Variants in CASZ1 observed in about 807,000 individuals in gnomAD.
The protein encoded by CASZ1 is zinc finger protein castor homolog 1.
In CASZ1, 28 loss-of-function variants were observed where a neutral mutation model predicts 135.2. That is an observed-to-expected ratio of 0.21 (90% CI 0.15 to 0.28). The LOEUF is 0.28. CASZ1 is among the 10% of genes least tolerant of loss of function. CASZ1 has a pLI of 1.00. For missense variants in CASZ1, 2,161 were observed against 2,453.3 expected (o/e 0.88, Z 2.52); for synonymous variants, 1,068 against 1,073.4 (o/e 0.99, Z 0.10).
intron 18 of CASZ1, 80 bp downstream of exon 18, chr1:10,644,837 A>G: frequency 2.0e-6 from 3 of 1,464,104 alleles, no homozygotes; most frequent in Non-Finnish European, 2.8e-6. Flanking sequence ...CGCGGGTACC[A>G]GGAGAGGCGG....
intron 1 of CASZ1, among the ~76,000 whole-genome samples, chr1:10,785,171 T>C (rs55926240): frequency 0.34 from 19,498 of 57,074 alleles, 2,254 homozygotes; most frequent in African/African-American, 0.45. Flanking sequence ...CTTCCTTCTT[T>C]TCCTCCCTTC....
intron 12 of CASZ1, 89 bp downstream of exon 12, chr1:10,650,852 C>T (rs573276817): frequency 8.2e-5 from 132 of 1,603,084 alleles, no homozygotes; most frequent in South Asian, 3.4e-4. Context: ...CAGCCGAGCC[C>T]GCTGCAACTG....
chr1:10,680,297 G>C (rs1243790719), intron 4 of CASZ1, among the ~76,000 whole-genome samples: 3 of 150,828 alleles, frequency 2.0e-5, no homozygotes, highest in Admixed American at 2.0e-4. Flanking sequence ...GTGGAGGGGA[G>C]GGGGGTGCGA....
chr1:10,693,498 A>C (rs1436534680), intron 4 of CASZ1, among the ~76,000 whole-genome samples: 1 of 43,770 alleles, frequency 2.3e-5, no homozygotes, highest in African/African-American at 1.1e-4. Flanking sequence ...TGCAGAGAAC[A>C]AAAAAAAAAA....
intron 1 of CASZ1, among the ~76,000 whole-genome samples, chr1:10,779,473 G>T (rs1257864326): frequency 6.6e-6 from 1 of 151,972 alleles, no homozygotes; most frequent in Non-Finnish European, 1.5e-5. Context: ...GCGCCCTCTC[G>T]CCTGGCGCTG....
At position 10,642,940 on chromosome 1, in the gene CASZ1, G is replaced by A; in HGVS notation, c.4081C>T (p.Pro1361Ser). 1 of 1,613,092 alleles carries A rather than the reference G, an allele frequency of 6.2e-7. No homozygotes were observed. The highest frequency in any genetic ancestry group is 8.5e-7 in the Non-Finnish European group (1 of 1,179,992). ...DECMDYTGCS[P>S]GAMSSESSTM... ...GATGACTCAGAGGACATGGCGCCTG[G>A]GCTGCAGCCAGTGTAGTCCATGCAC... Residue 1361 changes from proline to serine, a missense_variant, in exon 20 of 21, where the codon CCA (proline) becomes TCA (serine). Coordinates refer to ENST00000377022, the MANE Select transcript of CASZ1 (RefSeq NM_001079843.3).
chr1:10,740,835 G>A (rs1378353144), intron 2 of CASZ1, among the ~76,000 whole-genome samples: 3 of 151,614 alleles, frequency 2.0e-5, no homozygotes, highest in Non-Finnish European at 2.9e-5. Context: ...GCGCACACCT[G>A]TAGTTCTGGC....
Position 10,698,617 on chromosome 1 carries a change from C to T in CASZ1, c.-23-4705G>A, listed in dbSNP as rs1192655230. On this transcript the variant is annotated intron_variant, in intron 3 of 20. Coordinates refer to ENST00000377022, the MANE Select transcript of CASZ1 (RefSeq NM_001079843.3). ...TCTGTGGCCGGCTCCGAAGCAGGCTCCCCACCTGGAAGAGGCCCACCATCA... is the reference window on the plus strand; with the variant it reads ...TCTGTGGCCGGCTCCGAAGCAGGCTTCCCACCTGGAAGAGGCCCACCATCA... Among the ~76,000 whole-genome samples the T allele has an allele frequency of 7.2e-5, 11 of 152,262 alleles. No individual in the cohort carries two copies. The East Asian group carries it at 1.9e-3, about 27-fold the overall frequency.
chr1:10,739,888 C>A lies in CASZ1; in HGVS notation c.-77+20813G>T, dbSNP rs746569071. Among the ~76,000 whole-genome samples the A allele has an allele frequency of 6.6e-6, 1 of 152,178 alleles. No homozygotes were observed. Among genetic ancestry groups the A allele is most frequent in the Non-Finnish European group, 1.5e-5 (1 of 68,038 alleles). On this transcript the variant is annotated intron_variant, in intron 2 of 20. Transcript: ENST00000377022. The surrounding 1 kb of genome is among the most constrained non-coding windows in gnomAD (Gnocchi z 4.8). Reference sequence around the variant, plus strand: ...AGCCGCAAGGTGCTGGGATCCCAGACGAGTCCCTCCTGAAAGGGCGAAACT... The same window carrying A: ...AGCCGCAAGGTGCTGGGATCCCAGAAGAGTCCCTCCTGAAAGGGCGAAACT...
chr1:10,689,357 A>G (rs1638694041), intron 4 of CASZ1, among the ~76,000 whole-genome samples: 1 of 151,884 alleles, frequency 6.6e-6, no homozygotes, highest in Non-Finnish European at 1.5e-5. Context: ...CATTTATTTT[A>G]TTTTTCCATC....
intron 18 of CASZ1, 140 bp downstream of exon 18, chr1:10,644,777 A>T (rs1642313279): frequency 1.2e-6 from 1 of 843,912 alleles, no homozygotes. Flanking sequence ...CTAGCCCGTG[A>T]TATCTGGGAC....
Position 10,774,396 on chromosome 1 carries a change from T to A in CASZ1, c.-233-13539A>T, listed in dbSNP as rs1640626841. Among the ~76,000 whole-genome samples, 1 of 152,104 alleles carries A rather than the reference T, an allele frequency of 6.6e-6. No individual in the cohort carries two copies. The highest frequency in any genetic ancestry group is 2.1e-4 in the South Asian group (1 of 4,824). On this transcript the variant is annotated intron_variant, in intron 1 of 20. Transcript: ENST00000377022. This position sits in a 1 kb window ranked among gnomAD's most constrained non-coding sequence, Gnocchi z 4.4. ...GCCAAGTTCAGGGCCTCCCTCTCTGTCCCTGAGATTAGGGATTTGGAAAAA... is the reference window on the plus strand; with the variant it reads ...GCCAAGTTCAGGGCCTCCCTCTCTGACCCTGAGATTAGGGATTTGGAAAAA...
At chr1:10,686,659 T>G (rs1028678892) in intron 4 of CASZ1, among the ~76,000 whole-genome samples, 3 of 152,224 alleles carry the variant, frequency 2.0e-5, no homozygotes, top group African/African-American at 7.2e-5. Flanking sequence ...ATTACCTGTT[T>G]GACTCACCGC....
intron 17 of CASZ1, among the ~76,000 whole-genome samples, chr1:10,645,479 G>C (rs930713648): frequency 4.6e-5 from 7 of 152,172 alleles, no homozygotes; most frequent in Non-Finnish European, 8.8e-5. Context: ...GCAGTGAGCC[G>C]AGATCGTGCC....
In CASZ1 at chr1:10,774,830, T is replaced by C. The variant is rs564988245; in HGVS notation, c.-233-13973A>G. ...CAAGCACAGTCCTGACACTCAGAGC[T>C]CCCGCGGTCTTACAGACAAGGGAAT... On this transcript the variant is annotated intron_variant, in intron 1 of 20. Transcript: ENST00000377022. The surrounding 1 kb of genome is among the most constrained non-coding windows in gnomAD (Gnocchi z 4.4). Among the ~76,000 whole-genome samples the C allele has an allele frequency of 6.6e-6, 1 of 151,926 alleles. No individual in the cohort carries two copies. Among genetic ancestry groups the C allele is most frequent in the African/African-American group, 2.4e-5 (1 of 41,346 alleles).
intron 1 of CASZ1, among the ~76,000 whole-genome samples, chr1:10,785,849 TAAAG>T (rs1245240433): frequency 2.0e-5 from 3 of 152,166 alleles, no homozygotes. Context: ...TTCCGTAAAA[TAAAG>T]CTCAAAGTGG....
intron 1 of CASZ1, among the ~76,000 whole-genome samples, chr1:10,779,113 T>G (rs913571793): frequency 1.3e-5 from 2 of 152,158 alleles, no homozygotes; most frequent in Admixed American, 6.5e-5. Flanking sequence ...TTGTTGAGGT[T>G]CAAACATTTC....
rs1434752068 is a variant in CASZ1, at chr1:10,707,051, C to T, written c.-76-1507G>A. Among the ~76,000 whole-genome samples, 2 of 152,102 alleles carry T rather than the reference C, an allele frequency of 1.3e-5. No individual in the cohort carries two copies. Among genetic ancestry groups the T allele is most frequent in the Non-Finnish European group, 2.9e-5 (2 of 67,998 alleles). ...CTGCAAGGCACCAGGTGGGCTCAGCCATCAGAGCTCGAGTCCTGGCCGGTC... is the reference window on the plus strand; with the variant it reads ...CTGCAAGGCACCAGGTGGGCTCAGCTATCAGAGCTCGAGTCCTGGCCGGTC... On this transcript the variant is annotated intron_variant, in intron 2 of 20. Transcript: ENST00000377022. The surrounding 1 kb of genome is among the most constrained non-coding windows in gnomAD (Gnocchi z 5.0).
At position 10,647,516 on chromosome 1, in the gene CASZ1, C is replaced by T. The variant is rs1395014023; in HGVS notation, c.3497+285G>A. Reference sequence around the variant, plus strand: ...GTTGTCCTCTGAGGACCACCACGCCCAGTCCACCCCACCTGGCCCTGGCAG... The same window carrying T: ...GTTGTCCTCTGAGGACCACCACGCCTAGTCCACCCCACCTGGCCCTGGCAG... On this transcript the variant is annotated intron_variant, in intron 16 of 20. Transcript: ENST00000377022. The surrounding 1 kb of genome is among the most constrained non-coding windows in gnomAD (Gnocchi z 4.9). 6.0e-6 allele frequency: 8 copies of T among 1,334,064 alleles called. No homozygotes were observed. The highest frequency in any genetic ancestry group is 3.0e-5 in the African/African-American group (2 of 67,284). The allele number at this position is 1,334,064 out of a possible 1,614,324, so 82.6% of individuals were successfully genotyped here.
Sources: gnomAD v4.1 joint callset for allele counts (sites outside exome capture counted in the v4.1 genomes callset) on GRCh38, gnomAD v4.1.1 for gene constraint, Gnocchi (gnomAD v3.1) non-coding constraint, MANE v1.5 for transcripts, NCBI Gene and HGNC (gene_info 2026-07-23, HGNC 2026-07-21) for gene names.